MTHFSD: variants seen among roughly 807,000 people sequenced by gnomAD.
MTHFSD encodes the protein methenyltetrahydrofolate synthase domain-containing protein.
A neutral mutation model predicts 31.1 loss-of-function variants in MTHFSD; 37 were observed. The observed-to-expected ratio is 1.19, with a 90% CI of 0.91 to 1.56. The LOEUF is 1.56. Among genes scored for constraint, MTHFSD ranks in the 40% most tolerant of loss-of-function variants. The pLI, the probability that MTHFSD is intolerant of heterozygous loss-of-function variation, is 0.00. For missense variants in MTHFSD, 664 were observed against 510.1 expected (o/e 1.30, Z -2.91); for synonymous variants, 221 against 206.9 (o/e 1.07, Z -0.59).
At chr16:86,536,546 C>T (rs376455850) in intron 7 of MTHFSD, among the ~76,000 whole-genome samples, 1 of 152,242 alleles carries the variant, frequency 6.6e-6, no homozygotes, top group Non-Finnish European at 1.5e-5. Context: ...GGGGCAAGGC[C>T]TGCATCTCCC....
chr16:86,554,894 C>T (rs1229051081), intron 1 of MTHFSD, 143 bp from the exon 2 acceptor site: 1 of 1,058,778 alleles, frequency 9.4e-7, no homozygotes, highest in African/African-American at 1.6e-5. Context: ...TCCCCGACCT[C>T]AAGGGGCCCA....
intron 3 of MTHFSD, among the ~76,000 whole-genome samples, chr16:86,549,742 G>T (rs768126875): frequency 6.6e-5 from 10 of 152,262 alleles, no homozygotes; most frequent in Non-Finnish European, 1.0e-4. Context: ...AAACCTCCTT[G>T]AGTGATACCA....
chr16:86,543,892 G>A (rs908187410), intron 5 of MTHFSD, among the ~76,000 whole-genome samples: 32 of 152,184 alleles, frequency 2.1e-4, no homozygotes, highest in Admixed American at 1.2e-3. Flanking sequence ...GATCAGCTGC[G>A]GCATTAGATT....
rs1436978453 is a variant in MTHFSD, at chr16:86,530,209, G to C, written c.*1802C>G. The C allele has an allele frequency of 6.6e-6, 1 of 152,240 alleles. No homozygotes were observed. The highest frequency in any genetic ancestry group is 1.5e-5 in the Non-Finnish European group (1 of 68,066). The allele number at this position is 152,240 out of a possible 1,614,324, so 9.4% of individuals were successfully genotyped here. A position where few individuals can be genotyped will look rare whatever the true frequency, so the allele number is the denominator to read the frequency against. On this transcript the variant is annotated 3_prime_UTR_variant, in exon 8 of 8. Transcript: ENST00000360900. ...GATACATGTGGGGGATTTTATTTCAGGCACTTGCTCTTCAGTTTTTCTTAC... is the reference window on the plus strand; with the variant it reads ...GATACATGTGGGGGATTTTATTTCACGCACTTGCTCTTCAGTTTTTCTTAC...
At chr16:86,550,649 A>G (rs190559598) in intron 3 of MTHFSD, among the ~76,000 whole-genome samples, 18 of 152,364 alleles carry the variant, frequency 1.2e-4, no homozygotes, top group Admixed American at 5.9e-4. Context: ...AATACAGGGA[A>G]AACATTTAGA....
At chr16:86,548,201 T>G in intron 4 of MTHFSD, 1 of 1,062,750 alleles carries the variant, frequency 9.4e-7, no homozygotes, top group Non-Finnish European at 1.3e-6. Flanking sequence ...AGATCACCCG[T>G]CTTCCCTTTT....
At position 86,555,194 on chromosome 16, in the gene MTHFSD, G is replaced by C. The variant is rs988954373; in HGVS notation, c.-10C>G. ...CTGCCCTCGGCTCCATGGTGATGCA[G>C]TCGCTGTGCGACGCTTCCCGGCGCA... is the stretch of plus-strand genomic sequence containing the variant. On this transcript the variant is annotated 5_prime_UTR_variant, in exon 1 of 8. Coordinates refer to ENST00000360900, the MANE Select transcript of MTHFSD (RefSeq NM_001159377.2). 13 of 1,536,768 alleles carry C rather than the reference G, an allele frequency of 8.5e-6. No homozygotes were observed. Among genetic ancestry groups the C allele is most frequent in the Middle Eastern group, 1.7e-4 (1 of 5,906 alleles).
intron 7 of MTHFSD, chr16:86,535,387 C>T: frequency 1.0e-6 from 1 of 985,398 alleles, no homozygotes; most frequent in Non-Finnish European, 1.2e-6. Flanking sequence ...CCGATCCCTG[C>T]CACAGCTGAC....
chr16:86,531,809 T>C lies in MTHFSD; in HGVS notation c.*202A>G, dbSNP rs1320057048. 3 of 421,678 alleles carry C rather than the reference T, an allele frequency of 7.1e-6. No individual in the cohort carries two copies. Among genetic ancestry groups the C allele is most frequent in the Non-Finnish European group, 1.3e-5 (3 of 238,662 alleles). 26.1% of individuals were successfully genotyped at this position (421,678 alleles called of 1,614,324 possible). On this transcript the variant is annotated 3_prime_UTR_variant, in exon 8 of 8. Coordinates refer to ENST00000360900, the MANE Select transcript of MTHFSD (RefSeq NM_001159377.2). This position sits in a 1 kb window ranked among gnomAD's most constrained non-coding sequence, Gnocchi z 5.5. ...GCTGCAGTCTCTGCGCGCTGTGAGA[T>C]GAACCGCAGGGCGGCTTCCCCACTC...
At chr16:86,552,212 G>C in intron 2 of MTHFSD, 66 bp from the exon 3 acceptor site, 5 of 1,613,716 alleles carry the variant, frequency 3.1e-6, no homozygotes, top group Non-Finnish European at 4.2e-6. Flanking sequence ...TTTTCTGGGG[G>C]GCATCAGGAT....
rs762208272 is a variant in MTHFSD at position 86,552,130 on chromosome 16, C to A, written c.140G>T (p.Cys47Phe). 3 of 1,614,180 alleles carry A rather than the reference C, an allele frequency of 1.9e-6. No homozygotes were observed. Among genetic ancestry groups the A allele is most frequent in the Admixed American group, 3.3e-5 (2 of 60,022 alleles). The change falls in exon 3 of 8, where the codon TGC becomes TTC. Residue 47 changes from cysteine to phenylalanine, a missense_variant. Cys to Phe is a radical substitution (Grantham distance 205). Transcript: ENST00000360900. ...AACGTCTAGGTCTTTGATGTTTTGG[C>A]AAGCCAGATAAGACCCCTAGTTAGG... ...IPNFKGSYLA[C>F]QNIKDLDVFA...
chr16:86,547,559 C>T (rs924839895), intron 4 of MTHFSD: 2 of 987,836 alleles, frequency 2.0e-6, no homozygotes, highest in Admixed American at 6.1e-5. Flanking sequence ...CGGGGGCAGG[C>T]ACTGACCAAC....
intron 4 of MTHFSD, chr16:86,547,345 G>A (rs564004551): frequency 1.0e-6 from 1 of 985,670 alleles, no homozygotes; most frequent in African/African-American, 1.7e-5. Flanking sequence ...TAAGACTCAG[G>A]AAAAAGCCAT....
chr16:86,541,922 C>A, intron 6 of MTHFSD, 100 bp from the exon 7 acceptor site: 1 of 1,510,268 alleles, frequency 6.6e-7, no homozygotes, highest in Non-Finnish European at 9.0e-7. Context: ...TAGAGAAGCA[C>A]CCCCAAATCC....
At chr16:86,541,947 G>C in intron 6 of MTHFSD, 125 bp from the exon 7 acceptor site, 5 of 1,397,992 alleles carry the variant, frequency 3.6e-6, no homozygotes, top group Non-Finnish European at 4.9e-6. Flanking sequence ...TGGGGCTAAG[G>C]CTTAGCCGCT....
In MTHFSD at chr16:86,530,666, AAG is replaced by A. The variant is rs1192227019; in HGVS notation, c.*1343_*1344del. On this transcript the variant is annotated 3_prime_UTR_variant, in exon 8 of 8. Transcript: ENST00000360900. ...CAGAAAAAGAAGTATTTTTTAAAAA[AAG>A]AGAGAAAAGAAGGTGAGGAGTTCAG... is the stretch of plus-strand genomic sequence containing the variant. The A allele has an allele frequency of 6.6e-6, 1 of 152,204 alleles. No homozygotes were observed. The highest frequency in any genetic ancestry group is 1.5e-5 in the Non-Finnish European group (1 of 68,028). The allele number at this position is 152,204 out of a possible 1,614,324, so 9.4% of individuals were successfully genotyped here.
Position 86,532,095 on chromosome 16 carries a change from C to A in MTHFSD, c.1068G>T (p.Gln356His). 5 of 1,535,572 alleles carry A rather than the reference C, an allele frequency of 3.3e-6. No individual in the cohort carries two copies. The highest frequency in any genetic ancestry group is 3.5e-6 in the Non-Finnish European group (4 of 1,139,098). Reference protein sequence around the residue: ...FLHYPDSAAAQQAVSCLQGLR... With the variant: ...FLHYPDSAAAHQAVSCLQGLR... ...GGCCCTGCAAGCAGGAGACGGCCTGCTGGGCTGCGGCAGAGTCCGGGTAAT... is the reference window on the plus strand; with the variant it reads ...GGCCCTGCAAGCAGGAGACGGCCTGATGGGCTGCGGCAGAGTCCGGGTAAT... The change falls in exon 8 of 8, where the codon CAG (glutamine) becomes CAT (histidine). Residue 356 changes from glutamine (Q) to histidine (H), a missense_variant. By Grantham distance (24) the Gln-to-His change is conservative. Transcript: ENST00000360900.
intron 7 of MTHFSD, chr16:86,532,733 C>T (rs1970147298): frequency 3.0e-6 from 1 of 335,350 alleles, no homozygotes; most frequent in South Asian, 1.5e-4. Flanking sequence ...GGAGCGTTTG[C>T]CACGAGCTGT....
intron 7 of MTHFSD, 121 bp downstream of exon 7, chr16:86,541,576 T>A: frequency 7.2e-7 from 1 of 1,391,652 alleles, no homozygotes. Context: ...AAAAGCTCCT[T>A]GGGTGATTCT....
Sources: gnomAD v4.1 joint callset for allele counts (sites outside exome capture counted in the v4.1 genomes callset) on GRCh38, gnomAD v4.1.1 for gene constraint, Gnocchi (gnomAD v3.1) non-coding constraint, MANE v1.5 for transcripts, NCBI Gene and HGNC (gene_info 2026-07-23, HGNC 2026-07-21) for gene names.